COL5A1: variants seen among roughly 807,000 people sequenced by gnomAD.
The protein encoded by COL5A1 is collagen type V alpha 1 chain, also known as collagen alpha-1(V) chain.
COL5A1 carries 16 observed loss-of-function variants against 263.7 expected under a neutral mutation model. The observed-to-expected ratio is 0.06, with a 90% CI of 0.04 to 0.09. The LOEUF (loss-of-function observed/expected upper bound fraction) is 0.09. Ranked by LOEUF, COL5A1 falls within the 10% of genes least tolerant of loss-of-function variation. The pLI is 1.00. For missense variants in COL5A1, 2,036 were observed against 2,540.5 expected (o/e 0.80, Z 4.27); for synonymous variants, 1,012 against 1,004.5 (o/e 1.01, Z -0.14).
chr9:134,786,768 C>A (rs1476468143), intron 31 of COL5A1, among the ~76,000 whole-genome samples: 3 of 152,128 alleles, frequency 2.0e-5, no homozygotes, highest in African/African-American at 7.2e-5. Context: ...GCTGCCTGCA[C>A]TGGAGACATA....
chr9:134,822,198 TG>T (rs1221285390), intron 59 of COL5A1, 48 bp downstream of exon 59: 1 of 818,694 alleles, frequency 1.2e-6, no homozygotes. Flanking sequence ...GCAGGGAGGG[TG>T]GGGATAAGCC....
chr9:134,786,892 C>T (rs553638897), intron 31 of COL5A1, among the ~76,000 whole-genome samples: 16 of 152,298 alleles, frequency 1.1e-4, no homozygotes, highest in South Asian at 1.0e-3. Context: ...AACAGGAGGA[C>T]GGGCGTGGTG....
chr9:134,751,714 T>G (rs1208422096), intron 13 of COL5A1, among the ~76,000 whole-genome samples: 2 of 152,226 alleles, frequency 1.3e-5, no homozygotes, highest in African/African-American at 2.4e-5. Context: ...AGCTGCTAAG[T>G]AATCCCTTGT....
chr9:134,783,780 C>T (rs772784402), intron 29 of COL5A1, among the ~76,000 whole-genome samples: 8 of 152,188 alleles, frequency 5.3e-5, no homozygotes, highest in East Asian at 1.9e-4. Context: ...GGATCTCTTG[C>T]GCAATGTTGT....
At chr9:134,823,692 G>C (rs1336184999) in intron 61 of COL5A1, among the ~76,000 whole-genome samples, 1 of 152,246 alleles carries the variant, frequency 6.6e-6, no homozygotes, top group Non-Finnish European at 1.5e-5. Flanking sequence ...GGCCAGGAGA[G>C]AGAGGATACA....
rs1375899378 is a variant in COL5A1, at chr9:134,742,667, G to A, written c.1494+3859G>A. Among the ~76,000 whole-genome samples the A allele has an allele frequency of 6.6e-6, 1 of 152,198 alleles. No individual in the cohort carries two copies. Among genetic ancestry groups the A allele is most frequent in the East Asian group, 1.9e-4 (1 of 5,190 alleles). On this transcript the variant is annotated intron_variant, in intron 11 of 65. Transcript: ENST00000371817. The surrounding 1 kb of genome is among the most constrained non-coding windows in gnomAD (Gnocchi z 4.6). ...GTTACTCAGCCCCTCTCTGGCCTGGGTTTCTTGTGGGTCTGGCTTCTGTGC... is the reference window on the plus strand; with the variant it reads ...GTTACTCAGCCCCTCTCTGGCCTGGATTTCTTGTGGGTCTGGCTTCTGTGC...
In COL5A1 at chr9:134,678,517, G is replaced by A. The variant is rs1832744737; in HGVS notation, c.110-12395G>A. ...TGTTGGCTGGTGCCAGCCCCGGGAA[G>A]CTGTCTGCATCCCTGCAGGGCAAGC... On this transcript the variant is annotated intron_variant, in intron 1 of 65. Coordinates refer to ENST00000371817, the MANE Select transcript of COL5A1 (RefSeq NM_000093.5). The surrounding 1 kb of genome is among the most constrained non-coding windows in gnomAD (Gnocchi z 5.5). 6.6e-6 allele frequency among the ~76,000 whole-genome samples: 1 copy of A among 152,228 alleles called. No individual in the cohort carries two copies. The highest frequency in any genetic ancestry group is 6.5e-5 in the Admixed American group (1 of 15,288).
At chr9:134,761,772 G>T (rs957387610) in intron 18 of COL5A1, among the ~76,000 whole-genome samples, 153 bp from the exon 19 acceptor site, 14 of 152,214 alleles carry the variant, frequency 9.2e-5, no homozygotes, top group Admixed American at 1.3e-4. Flanking sequence ...TGAGGCACAC[G>T]TGATCTTCTA....
chr9:134,720,048 C>T (rs1012002739), intron 4 of COL5A1, among the ~76,000 whole-genome samples: 2 of 152,104 alleles, frequency 1.3e-5, no homozygotes, highest in Non-Finnish European at 2.9e-5. Flanking sequence ...CAAAGTCCAC[C>T]CGTCTGAGAG....
chr9:134,830,175 T>G, intron 64 of COL5A1, 131 bp downstream of exon 64: 1 of 1,609,166 alleles, frequency 6.2e-7, no homozygotes. Flanking sequence ...CGGGGGTCCC[T>G]GGTAAGTGGC....
In COL5A1 at chr9:134,716,916, C is replaced by T. The variant is rs1834282687; in HGVS notation, c.655-10350C>T. Among the ~76,000 whole-genome samples the T allele has an allele frequency of 6.6e-6, 1 of 152,140 alleles. No individual in the cohort carries two copies. Among genetic ancestry groups the T allele is most frequent in the Non-Finnish European group, 1.5e-5 (1 of 68,024 alleles). On this transcript the variant is annotated intron_variant, in intron 4 of 65. Transcript: ENST00000371817. This position sits in a 1 kb window ranked among gnomAD's most constrained non-coding sequence, Gnocchi z 4.5. ...GCAGCGAGCGAGGACATGGCGGGGACAGCAGAAAGCAATTTCCGACGACAT... is the reference window on the plus strand; with the variant it reads ...GCAGCGAGCGAGGACATGGCGGGGATAGCAGAAAGCAATTTCCGACGACAT...
At chr9:134,701,061 G>A (rs1333683548) in intron 3 of COL5A1, 110 bp from the exon 4 acceptor site, 3 of 1,131,496 alleles carry the variant, frequency 2.7e-6, no homozygotes, top group Non-Finnish European at 3.9e-6. Flanking sequence ...GCCCCACCAC[G>A]ATCGTGCAGG....
intron 30 of COL5A1, among the ~76,000 whole-genome samples, chr9:134,785,426 T>G (rs1384418285): frequency 6.6e-6 from 1 of 152,154 alleles, no homozygotes; most frequent in Admixed American, 6.5e-5. Flanking sequence ...CACAGCTGGG[T>G]AATAACGGTG....
intron 65 of COL5A1, among the ~76,000 whole-genome samples, chr9:134,839,433 T>C (rs573754892): frequency 1.1e-3 from 175 of 152,296 alleles, no homozygotes; most frequent in African/African-American, 3.9e-3. Context: ...GCTCAGCAAA[T>C]GCTGCCCGTC....
chr9:134,825,925 A>G (rs563060583), intron 63 of COL5A1, 21 bp downstream of exon 63: 5 of 1,545,850 alleles, frequency 3.2e-6, no homozygotes, highest in East Asian at 2.3e-5. Flanking sequence ...GTGTCCCTCC[A>G]TGGCCCCAGC....
intron 11 of COL5A1, among the ~76,000 whole-genome samples, chr9:134,749,479 A>C (rs1034746165): frequency 2.0e-5 from 3 of 152,226 alleles, no homozygotes; most frequent in Non-Finnish European, 2.9e-5. Context: ...CAAGGCAGGC[A>C]AGTTTAGGTT....
In COL5A1 at chr9:134,665,177, C is replaced by T. The variant is rs146792310; in HGVS notation, c.109+22881C>T. ...TCATGCCACTGCACTCCAGCCTGGG[C>T]GACAGAGAGAGACTCCGTCTCAAAA... On this transcript the variant is annotated intron_variant, in intron 1 of 65. Transcript: ENST00000371817. Among the ~76,000 whole-genome samples, 8 of 152,218 alleles carry T rather than the reference C, an allele frequency of 5.3e-5. No individual in the cohort carries two copies. In the East Asian group the frequency reaches 7.7e-4, roughly 15 times the overall value.
At chr9:134,675,161 T>C (rs565576505) in intron 1 of COL5A1, among the ~76,000 whole-genome samples, 1 of 152,320 alleles carries the variant, frequency 6.6e-6, no homozygotes, top group South Asian at 2.1e-4. Flanking sequence ...TTGCATGTAA[T>C]TGTTGGGTGA....
chr9:134,790,257 G>A (rs918852881), intron 32 of COL5A1, among the ~76,000 whole-genome samples: 2 of 152,200 alleles, frequency 1.3e-5, no homozygotes, highest in African/African-American at 4.8e-5. Context: ...GACCCAAGGA[G>A]ACTATTATCT....
Sources: gnomAD v4.1 joint callset for allele counts (sites outside exome capture counted in the v4.1 genomes callset) on GRCh38, gnomAD v4.1.1 for gene constraint, Gnocchi (gnomAD v3.1) non-coding constraint, MANE v1.5 for transcripts, NCBI Gene and HGNC (gene_info 2026-07-23, HGNC 2026-07-21) for gene names.